Variants in CSF2RA observed in about 807,000 individuals in gnomAD.
The protein encoded by CSF2RA is granulocyte-macrophage colony-stimulating factor receptor subunit alpha.
Under a neutral mutation model 51.6 loss-of-function variants are expected in CSF2RA, and 42 were observed. The observed-to-expected ratio is 0.81, with a 90% CI of 0.64 to 1.05. The LOEUF is 1.05. CSF2RA is among the 50% of genes least tolerant of loss of function. CSF2RA has a pLI of 0.00. For missense variants in CSF2RA, 530 were observed against 501.1 expected, an observed-to-expected ratio of 1.06 and a Z score of -0.55; for synonymous variants, 222 against 193.0, an observed-to-expected ratio of 1.15 and a Z score of -1.24.
At chrX:1,323,158 T>TATAAAATAAA in the CSF2RA span, among the ~76,000 whole-genome samples, 3,685 of 133,988 alleles carry the variant, frequency 0.028, 105 homozygotes, top group African/African-American at 0.095. Context: ...ACATTACAAT[T>TATAAAATAAA]ATAAAATAAA....
chrX:1,300,305 C>A, intron 9 of CSF2RA, 186 bp from the exon 10 acceptor site: 1 of 674,724 alleles, frequency 1.5e-6, no homozygotes, highest in Non-Finnish European at 2.5e-6. Context: ...GAAATACTAA[C>A]GAGGCTTGAC....
intron 10 of CSF2RA, among the ~76,000 whole-genome samples, chrX:1,301,880 A>G (rs1384277083): frequency 2.1e-5 from 3 of 140,520 alleles, no homozygotes; most frequent in Non-Finnish European, 4.5e-5. Flanking sequence ...TGCTGGGATT[A>G]CAGGCGTGAG....
intron 4 of CSF2RA, among the ~76,000 whole-genome samples, chrX:1,287,988 T>C (rs28612951): frequency 0.9 from 133,938 of 149,000 alleles, 60,475 homozygotes; most frequent in East Asian, 1. Context: ...CCACCCGCCT[T>C]GGCCTCCCAG....
chrX:1,311,506 T>C (rs1169401803), downstream of CSF2RA, among the ~76,000 whole-genome samples: 3 of 151,684 alleles, frequency 2.0e-5, no homozygotes, highest in Middle Eastern at 3.2e-3. Context: ...CAATCTCTGC[T>C]CACTGCAACC....
downstream of CSF2RA, among the ~76,000 whole-genome samples, chrX:1,313,862 TG>T (rs1221049612): frequency 1.3e-5 from 2 of 150,896 alleles, no homozygotes; most frequent in Non-Finnish European, 3.0e-5. Context: ...TGGTGGCACC[TG>T]TAATTGCAGT....
rs761247845 is a variant in CSF2RA, at chrX:1,294,361, G to A, written c.680G>A (p.Arg227His). Residue 227 changes from arginine (R) to histidine (H), a missense_variant, in exon 8 of 13, where the codon CGT becomes CAT. Coordinates refer to ENST00000381529, the MANE Select transcript of CSF2RA (RefSeq NM_172245.4). The stretch of plus-strand genomic sequence containing the variant: ...AACCCTCCCAGCAATGTCACCGTAC[G>A]TTGCAACACGACGCACTGCCTCGTA... ...RFNPPSNVTV[R>H]CNTTHCLVRW... 20 of 1,613,716 alleles carry A rather than the reference G, an allele frequency of 1.2e-5. No homozygotes were observed. Among genetic ancestry groups the A allele is most frequent in the East Asian group, 8.9e-5 (4 of 44,882 alleles).
downstream of CSF2RA, among the ~76,000 whole-genome samples, chrX:1,310,712 C>G (rs779294171): frequency 1.7e-3 from 252 of 151,710 alleles, no homozygotes; most frequent in African/African-American, 5.8e-3. Flanking sequence ...CCAGGCCTCC[C>G]TGGGTTATAA....
the CSF2RA span, among the ~76,000 whole-genome samples, chrX:1,317,032 C>T: frequency 6.6e-6 from 1 of 151,896 alleles, no homozygotes; most frequent in Non-Finnish European, 1.5e-5. Flanking sequence ...CTGCAAGCTC[C>T]GCTTCCCGGG....
intron 6 of CSF2RA, chrX:1,289,152 C>G (rs1471669206): frequency 2.0e-6 from 1 of 510,532 alleles, no homozygotes; most frequent in Non-Finnish European, 3.5e-6. Context: ...GAGACAGAGT[C>G]TTGCTCTGTC....
Position 1,288,880 on chromosome X carries a change from A to C in CSF2RA, c.465A>C (p.Arg155=). The change falls in exon 6 of 13, where the codon CGA becomes CGC. Residue 155 remains arginine, a synonymous_variant. Coordinates refer to ENST00000381529, the MANE Select transcript of CSF2RA (RefSeq NM_172245.4). ...ACGTCCAGTATTTTTTGTACATACG[A>C]AACTCAAAGTAAGTGTTCACCTCAT... is the stretch of plus-strand genomic sequence containing the variant. The part of the protein sequence containing the change: ...PRDVQYFLYI[R]NSKRRREIRC... 1.2e-6 allele frequency: 2 copies of C among 1,601,630 alleles called. No homozygotes were observed. Among genetic ancestry groups the C allele is most frequent in the Non-Finnish European group, 1.7e-6 (2 of 1,173,712 alleles).
At chrX:1,285,963 C>A in intron 4 of CSF2RA, 43 bp downstream of exon 4, 2 of 1,613,150 alleles carry the variant, frequency 1.2e-6, no homozygotes, top group Non-Finnish European at 1.7e-6. Context: ...CTTTACACAC[C>A]CCTTTCTGAG....
intron 7 of CSF2RA, among the ~76,000 whole-genome samples, chrX:1,292,644 T>C (rs2091512047): frequency 6.6e-6 from 1 of 152,168 alleles, no homozygotes; most frequent in East Asian, 1.9e-4. Flanking sequence ...CAAACATCAG[T>C]GTAGCAAAGA....
chrX:1,275,006 GACAGT>G (rs1316098715), intron 2 of CSF2RA, among the ~76,000 whole-genome samples, 188 bp downstream of exon 2: 1 of 149,934 alleles, frequency 6.7e-6, no homozygotes, highest in Non-Finnish European at 1.5e-5. Flanking sequence ...TTCCCTCTGA[GACAGT>G]ACACATCCTC....
chrX:1,318,406 G>T, the CSF2RA span, among the ~76,000 whole-genome samples: 1 of 150,924 alleles, frequency 6.6e-6, no homozygotes, highest in Non-Finnish European at 1.5e-5. Flanking sequence ...CACGTGATCC[G>T]CCCACCTCGG....
At chrX:1,275,248 G>A (rs1393888562) in intron 2 of CSF2RA, among the ~76,000 whole-genome samples, 2 of 151,870 alleles carry the variant, frequency 1.3e-5, no homozygotes, top group South Asian at 2.1e-4. Context: ...AAAATTAGCC[G>A]GGTGTAGTGG....
downstream of CSF2RA, among the ~76,000 whole-genome samples, chrX:1,311,180 C>T (rs1368291701): frequency 6.0e-5 from 9 of 150,768 alleles, no homozygotes; most frequent in Non-Finnish European, 1.2e-4. Context: ...ACCCGGGAGG[C>T]GGAGGTGGCA....
chrX:1,305,630 G>A, intron 12 of CSF2RA, 103 bp downstream of exon 12: 1 of 1,613,392 alleles, frequency 6.2e-7, no homozygotes, highest in Non-Finnish European at 8.5e-7. Context: ...TCCACCAGAT[G>A]GGACCGCAGC....
chrX:1,316,059 A>AGATAG, the CSF2RA span, among the ~76,000 whole-genome samples: 8 of 149,146 alleles, frequency 5.4e-5, no homozygotes, highest in African/African-American at 1.7e-4. Flanking sequence ...TAGATAGATC[A>AGATAG]ATAGATAGAT....
At chrX:1,293,897 G>C (rs1414871480) in intron 7 of CSF2RA, 3 of 345,022 alleles carry the variant, frequency 8.7e-6, no homozygotes, top group Non-Finnish European at 1.7e-5. Context: ...TGGACCCAGT[G>C]TAGACAGGAG....
Sources: gnomAD v4.1 joint callset for allele counts (sites outside exome capture counted in the v4.1 genomes callset) on GRCh38, gnomAD v4.1.1 for gene constraint, MANE v1.5 for transcripts, NCBI Gene and HGNC (gene_info 2026-07-23, HGNC 2026-07-21) for gene names.